The following PCDH15 variants were observed in gnomAD, a reference collection of about 807,000 sequenced individuals.
PCDH15 encodes protocadherin related 15.
A neutral mutation model predicts 178.5 loss-of-function variants in PCDH15; 129 were observed. The observed-to-expected ratio is 0.72, with a 90% confidence interval of 0.63 to 0.84. The LOEUF (loss-of-function observed/expected upper bound fraction) is 0.84, where lower values mean the gene tolerates loss of function less well. Ranked by LOEUF, PCDH15 falls within the 40% of genes least tolerant of loss-of-function variation. The pLI is 0.00. For synonymous variants in PCDH15, 800 were observed against 732.0 expected (o/e 1.09, Z -1.50); for missense variants, 2,230 against 2,099.9 (o/e 1.06, Z -1.21).
chr10:55,211,335 T>C (rs972259658), intron 1 of PCDH15, among the ~76,000 whole-genome samples: 4 of 152,178 alleles, frequency 2.6e-5, no homozygotes, highest in African/African-American at 4.8e-5. Context: ...CAATGTATAA[T>C]TGATTAGCAA....
At chr10:54,192,121 A>T (rs2049077815) in intron 11 of PCDH15, among the ~76,000 whole-genome samples, 2 of 130,918 alleles carry the variant, frequency 1.5e-5, no homozygotes, top group South Asian at 5.1e-4. Flanking sequence ...AAAAAAAAAG[A>T]AAGAAAGAAA....
intron 25 of PCDH15, among the ~76,000 whole-genome samples, chr10:53,932,727 A>C (rs2085181972): frequency 6.6e-6 from 1 of 152,140 alleles, no homozygotes. Flanking sequence ...TCAGAGTGTT[A>C]AACTCTGTTA....
chr10:55,162,288 C>T (rs1352098396), intron 2 of PCDH15, among the ~76,000 whole-genome samples: 3 of 152,168 alleles, frequency 2.0e-5, no homozygotes, highest in Non-Finnish European at 4.4e-5. Context: ...TGGTTGGTCT[C>T]ATTTATATCC....
chr10:54,421,662 G>GTATATATATA (rs1335026971), intron 3 of PCDH15, among the ~76,000 whole-genome samples: 11 of 70,946 alleles, frequency 1.6e-4, no homozygotes, highest in South Asian at 4.0e-4. Context: ...CATGTGTAGT[G>GTATATATATA]TATATATACA....
chr10:54,193,091 T>C (rs1185321196), intron 11 of PCDH15, among the ~76,000 whole-genome samples: 3 of 152,214 alleles, frequency 2.0e-5, no homozygotes, highest in Admixed American at 6.5e-5. Context: ...GACTAACTGG[T>C]ACTGTACATC....
chr10:55,047,584 G>C (rs1436826802), intron 2 of PCDH15, among the ~76,000 whole-genome samples: 2 of 151,728 alleles, frequency 1.3e-5, no homozygotes, highest in Non-Finnish European at 3.0e-5. Context: ...GGAATAAAGA[G>C]GGGGAAGTGA....
At chr10:54,214,619 C>A (rs184968656) in intron 9 of PCDH15, among the ~76,000 whole-genome samples, 2 of 151,982 alleles carry the variant, frequency 1.3e-5, no homozygotes, top group African/African-American at 2.4e-5. Flanking sequence ...TGAGATAGAG[C>A]CCTGCTGTGT....
chr10:55,011,207 A>G (rs1840040226), intron 2 of PCDH15, among the ~76,000 whole-genome samples: 1 of 152,108 alleles, frequency 6.6e-6, no homozygotes, highest in South Asian at 2.1e-4. Context: ...TACTGAAAAA[A>G]TCGTTATATT....
intron 2 of PCDH15, among the ~76,000 whole-genome samples, chr10:54,957,212 G>A (rs2045145): frequency 0.091 from 13,790 of 151,538 alleles, 930 homozygotes; most frequent in Admixed American, 0.17. Context: ...TATATGAATT[G>A]TATAGGCAGA....
intron 3 of PCDH15, among the ~76,000 whole-genome samples, chr10:54,524,602 TAG>T (rs2083203339): frequency 6.6e-6 from 1 of 152,170 alleles, no homozygotes; most frequent in East Asian, 1.9e-4. Flanking sequence ...ATAAGCAACT[TAG>T]AGTCAAGAGA....
intron 20 of PCDH15, among the ~76,000 whole-genome samples, chr10:54,017,049 G>A (rs374152376): frequency 1.3e-5 from 2 of 152,064 alleles, no homozygotes; most frequent in South Asian, 4.1e-4. Context: ...TTGAGACGGA[G>A]TTTCACTTTT....
chr10:54,976,668 G>A (rs1320184723), intron 2 of PCDH15, among the ~76,000 whole-genome samples: 1 of 152,142 alleles, frequency 6.6e-6, no homozygotes, highest in Admixed American at 6.6e-5. Flanking sequence ...GAGCAACTGG[G>A]GAAGTCACCA....
At chr10:54,464,479 G>A (rs900244665) in intron 3 of PCDH15, among the ~76,000 whole-genome samples, 52 of 152,152 alleles carry the variant, frequency 3.4e-4, no homozygotes, top group African/African-American at 1.1e-3. Context: ...CATTTTGGGG[G>A]AAATATATTT....
intron 2 of PCDH15, among the ~76,000 whole-genome samples, chr10:55,154,358 T>C (rs934046397): frequency 6.6e-6 from 1 of 152,148 alleles, no homozygotes; most frequent in Non-Finnish European, 1.5e-5. Flanking sequence ...TGTATTCATG[T>C]ATATGAATGG....
chr10:55,461,660 T>C (rs1381435287), intron 2 of PCDH15, among the ~76,000 whole-genome samples: 1 of 152,068 alleles, frequency 6.6e-6, no homozygotes, highest in South Asian at 2.1e-4. Context: ...AAGTTTTCAG[T>C]TTCTTACCAA....
At chr10:53,870,021 A>G (rs908549094) in intron 26 of PCDH15, among the ~76,000 whole-genome samples, 1 of 152,216 alleles carries the variant, frequency 6.6e-6, no homozygotes, top group South Asian at 2.1e-4. Context: ...TAACAACACT[A>G]TCACATTTGG....
Position 54,784,396 on chromosome 10 carries a change from A to G in PCDH15, c.-29+16529T>C, listed in dbSNP as rs904973286. Among the ~76,000 whole-genome samples, 4 of 152,044 alleles carry G rather than the reference A, an allele frequency of 2.6e-5. No individual in the cohort carries two copies. The East Asian group carries it at 5.8e-4, about 22-fold the overall frequency. On this transcript the variant is annotated intron_variant, in intron 1 of 37. Coordinates refer to ENST00000644397, the MANE Select transcript of PCDH15 (RefSeq NM_001384140.1). ...ATGTAGGGGAATTTTTACCAGACTAAGAGCAGATTTCGCGGTAGAAATGTA... is the reference window on the plus strand; with the variant it reads ...ATGTAGGGGAATTTTTACCAGACTAGGAGCAGATTTCGCGGTAGAAATGTA...
intron 2 of PCDH15, among the ~76,000 whole-genome samples, chr10:55,436,532 T>C (rs372175816): frequency 6.6e-6 from 1 of 152,096 alleles, no homozygotes; most frequent in East Asian, 1.9e-4. Context: ...TGGGCTTTAG[T>C]TTGTTTCCAG....
chr10:54,747,271 T>A (rs1365156933), intron 1 of PCDH15, among the ~76,000 whole-genome samples: 2 of 152,212 alleles, frequency 1.3e-5, no homozygotes, highest in African/African-American at 4.8e-5. Context: ...ACTGGTCAAC[T>A]TTGCAAAAAG....
Sources: gnomAD v4.1 joint callset for allele counts (sites outside exome capture counted in the v4.1 genomes callset) on GRCh38, gnomAD v4.1.1 for gene constraint, MANE v1.5 for transcripts, NCBI Gene and HGNC (gene_info 2026-07-23, HGNC 2026-07-21) for gene names.